The following TFIP11 variants were observed in gnomAD, a reference collection of about 807,000 sequenced individuals.
The protein encoded by TFIP11 is tuftelin interacting protein 11, also known as tuftelin-interacting protein 11.
In TFIP11, 86 loss-of-function variants were observed where a neutral mutation model predicts 96.8. The ratio of observed to expected loss-of-function variants is 0.89; its 90% confidence interval spans 0.75 to 1.06. The LOEUF is 1.06. TFIP11 is among the 50% of genes least tolerant of loss of function. The pLI, the probability that TFIP11 is intolerant of heterozygous loss-of-function variation, is 0.00. For missense variants in TFIP11, 881 were observed against 1,076.7 expected (o/e 0.82, Z 2.54); for synonymous variants, 405 against 395.2 (o/e 1.02, Z -0.29).
At position 26,506,466 on chromosome 22, in the gene TFIP11, A is replaced by G; in HGVS notation, c.364-7T>C. The G allele has an allele frequency of 5.0e-6, 8 of 1,587,630 alleles. No individual in the cohort carries two copies. Among genetic ancestry groups the G allele is most frequent in the Non-Finnish European group, 6.0e-6 (7 of 1,173,184 alleles). On this transcript the variant is annotated splice_region_variant and splice_polypyrimidine_tract_variant and intron_variant, in intron 5 of 14. Transcript: ENST00000407690. ...TGGGCTTAAAATTGCCACCCTGCAA[A>G]AAAGAAAAATCAAAGCTTAGTTAAT...
intron 11 of TFIP11, 129 bp from the exon 12 acceptor site, chr22:26,496,445 C>A (rs1181217526): frequency 1.1e-5 from 14 of 1,265,926 alleles, no homozygotes; most frequent in Admixed American, 5.7e-5. Context: ...GTCCTTTGTA[C>A]ATTGCCAAAC....
At chr22:26,499,045 T>A (rs1402170388) in intron 9 of TFIP11, 59 bp downstream of exon 9, 6 of 1,609,652 alleles carry the variant, frequency 3.7e-6, no homozygotes, top group Non-Finnish European at 5.1e-6. Context: ...AACCAACTCA[T>A]CAAGCAAGGG....
chr22:26,510,054 C>T lies in TFIP11; in HGVS notation c.209+10G>A, dbSNP rs1337373940. 6.2e-7 allele frequency: 1 copy of T among 1,612,358 alleles called. No homozygotes were observed. Among genetic ancestry groups the T allele is most frequent in the South Asian group, 1.1e-5 (1 of 91,012 alleles). On this transcript the variant is annotated intron_variant, in intron 4 of 14. Transcript: ENST00000407690. ...AAGCAAGGTGAAGCAGCCCCCATGC[C>T]AGGCAATACCGTTTGCCTCCAAAGC...
rs749845405 is a variant in TFIP11, at chr22:26,499,441, G to A, written c.992C>T (p.Thr331Met). The A allele has an allele frequency of 1.3e-5, 21 of 1,614,048 alleles. No homozygotes were observed. Among genetic ancestry groups the A allele is most frequent in the Admixed American group, 6.7e-5 (4 of 60,008 alleles). ...EHNLQLLIDL[T>M]EQEIIQNDRQ... ...GTCATTCTGGATGATCTCCTGCTCCGTGAGGTCGATGAGCAGCTGCAGGTT... is the reference window on the plus strand; with the variant it reads ...GTCATTCTGGATGATCTCCTGCTCCATGAGGTCGATGAGCAGCTGCAGGTT... Residue 331 changes from threonine to methionine, a missense_variant, in exon 9 of 15, where the codon ACG (threonine) becomes ATG (methionine). Coordinates refer to ENST00000407690, the MANE Select transcript of TFIP11 (RefSeq NM_012143.4).
chr22:26,501,309 G>A (rs1922754509), intron 8 of TFIP11, among the ~76,000 whole-genome samples: 1 of 152,208 alleles, frequency 6.6e-6, no homozygotes, highest in Non-Finnish European at 1.5e-5. Flanking sequence ...CCTGGTCAGA[G>A]AGAGTTAATA....
At position 26,502,015 on chromosome 22, in the gene TFIP11, G is replaced by T. The variant is rs1424264571; in HGVS notation, c.686C>A (p.Pro229Gln). Residue 229 changes from proline to glutamine, a missense_variant, in exon 8 of 15, where the codon CCA (proline) becomes CAA (glutamine). Transcript: ENST00000407690. ...TTTGGGCTTCTTCTTGCTTCCACTT[G>T]GGTCTTTCCTCCACTGGCTCAGCTC... is the stretch of plus-strand genomic sequence containing the variant. Reference protein sequence around the residue: ...QKELSQWRKDPSGSKKKPKYS... With the variant: ...QKELSQWRKDQSGSKKKPKYS... The T allele has an allele frequency of 3.7e-6, 6 of 1,613,750 alleles. No homozygotes were observed. Among genetic ancestry groups the T allele is most frequent in the Non-Finnish European group, 5.1e-6 (6 of 1,180,004 alleles).
Position 26,492,121 on chromosome 22 carries a change from G to A in TFIP11, c.2406C>T (p.Tyr802=). 1 of 1,614,214 alleles carries A rather than the reference G, an allele frequency of 6.2e-7. No homozygotes were observed. Among genetic ancestry groups the A allele is most frequent in the Non-Finnish European group, 8.5e-7 (1 of 1,180,032 alleles). ...IGKRHEGKQL[Y]TFGRIVIYID... Reference sequence around the variant, plus strand: ...TGTAGATCACAATGCGGCCAAAGGTGTAGAGCTGCTTCCCTTCGTGTCGCT... The same window carrying A: ...TGTAGATCACAATGCGGCCAAAGGTATAGAGCTGCTTCCCTTCGTGTCGCT... Residue 802 remains tyrosine, a synonymous_variant, in exon 15 of 15, where the codon TAC becomes TAT. Coordinates refer to ENST00000407690, the MANE Select transcript of TFIP11 (RefSeq NM_012143.4).
intron 7 of TFIP11, among the ~76,000 whole-genome samples, chr22:26,502,449 T>C (rs1333602770): frequency 2.0e-5 from 3 of 152,158 alleles, no homozygotes; most frequent in Admixed American, 6.5e-5. Context: ...AAAATGAAGA[T>C]AAATAAGCAG....
intron 10 of TFIP11, among the ~76,000 whole-genome samples, chr22:26,498,009 T>A (rs376282268): frequency 1.2e-4 from 1 of 8,536 alleles, no homozygotes; most frequent in Admixed American, 2.1e-3. Flanking sequence ...AAAGAAACTG[T>A]GGTATAAATA....
intron 10 of TFIP11, among the ~76,000 whole-genome samples, chr22:26,497,744 C>T (rs370211913): frequency 5.9e-5 from 9 of 152,096 alleles, no homozygotes; most frequent in African/African-American, 1.7e-4. Flanking sequence ...GGCATGGTGG[C>T]GAGCGCCTGT....
chr22:26,505,184 GA>G (rs1923247497), intron 6 of TFIP11, among the ~76,000 whole-genome samples: 1 of 152,146 alleles, frequency 6.6e-6, no homozygotes, highest in African/African-American at 2.4e-5. Context: ...AGCTCAAGAA[GA>G]GGGGGAAATG....
In TFIP11 at chr22:26,500,211, C is replaced by G. The variant is rs111270138; in HGVS notation, c.802-580G>C. 8.4e-3 allele frequency among the ~76,000 whole-genome samples: 1,281 copies of G among 152,136 alleles called. 9 individuals carry two copies. Among genetic ancestry groups the G allele is most frequent in the Middle Eastern group, 0.017 (5 of 294 alleles). ...TTGAGACAGAATCTCGCTCTGTTGCCCAGGCTGGAATGCAGTGGCACGATC... is the reference window on the plus strand; with the variant it reads ...TTGAGACAGAATCTCGCTCTGTTGCGCAGGCTGGAATGCAGTGGCACGATC... On this transcript the variant is annotated intron_variant, in intron 8 of 14. Transcript: ENST00000407690.
intron 10 of TFIP11, among the ~76,000 whole-genome samples, chr22:26,498,374 C>G (rs552969526): frequency 1.3e-5 from 2 of 152,204 alleles, no homozygotes; most frequent in South Asian, 4.1e-4. Flanking sequence ...GAAACCCTGT[C>G]TCTACTAAAA....
At chr22:26,505,271 G>A (rs1362816058) in intron 6 of TFIP11, among the ~76,000 whole-genome samples, 3 of 152,132 alleles carry the variant, frequency 2.0e-5, no homozygotes, top group Non-Finnish European at 2.9e-5. Flanking sequence ...CAGGGGCTGT[G>A]TCTCAATGGG....
In TFIP11 at chr22:26,506,813, C is replaced by T. The variant is rs772745770; in HGVS notation, c.325G>A (p.Asp109Asn). ...DDEEKPVKQD[D>N]FPKDFGPRKL... ...CTTGGTCCAAAATCCTTAGGAAAGT[C>T]GTCCTGCTTAACAGGTTTCTCTTCG... Residue 109 changes from aspartate (D) to asparagine (N), a missense_variant, in exon 5 of 15, where the codon GAC becomes AAC. By Grantham distance (23) the Asp-to-Asn change is conservative. Coordinates refer to ENST00000407690, the MANE Select transcript of TFIP11 (RefSeq NM_012143.4). The T allele has an allele frequency of 8.7e-6, 14 of 1,614,084 alleles. No homozygotes were observed. The highest frequency in any genetic ancestry group is 6.7e-5 in the Admixed American group (4 of 59,998).
chr22:26,500,020 A>G (rs921777716), intron 8 of TFIP11, among the ~76,000 whole-genome samples: 1 of 152,266 alleles, frequency 6.6e-6, no homozygotes, highest in Non-Finnish European at 1.5e-5. Context: ...AAATGCACAT[A>G]AGCATAGAAA....
chr22:26,512,177 T>C lies in TFIP11; in HGVS notation c.-172-2A>G, dbSNP rs960176365. 3.3e-5 allele frequency: 5 copies of C among 152,386 alleles called. No homozygotes were observed. The highest frequency in any genetic ancestry group is 1.2e-4 in the African/African-American group (5 of 41,586). 9.4% of individuals were successfully genotyped at this position (152,386 alleles called of 1,614,324 possible). On this transcript the variant is annotated splice_acceptor_variant, in intron 1 of 14. Transcript: ENST00000407690. LOFTEE classifies it low-confidence loss of function (5UTR_SPLICE). Reference sequence around the variant, plus strand: ...TCGGGCTTGTCTCTCTCTTGCTGTCTAGGTTTGGTGAAGGAAGCTCAGGTT... The same window carrying C: ...TCGGGCTTGTCTCTCTCTTGCTGTCCAGGTTTGGTGAAGGAAGCTCAGGTT...
chr22:26,509,342 C>G (rs1404272549), intron 4 of TFIP11, among the ~76,000 whole-genome samples: 1 of 152,176 alleles, frequency 6.6e-6, no homozygotes, highest in Non-Finnish European at 1.5e-5. Context: ...TCACTTTTCT[C>G]CACAGAAATC....
chr22:26,507,471 T>A (rs904767501), intron 4 of TFIP11, among the ~76,000 whole-genome samples: 6 of 150,946 alleles, frequency 4.0e-5, no homozygotes, highest in East Asian at 1.9e-4. Flanking sequence ...AAAAAAAAAA[T>A]AAATAAAAAT....
Sources: allele counts gnomAD v4.1 joint callset (sites outside exome capture counted in the v4.1 genomes callset), GRCh38; gene constraint gnomAD v4.1.1; transcripts MANE v1.5; gene names NCBI Gene and HGNC (gene_info 2026-07-23, HGNC 2026-07-21).